PKIB: variants seen among roughly 807,000 people sequenced by gnomAD.
PKIB encodes cAMP-dependent protein kinase inhibitor beta, also known as PKI-beta.
A neutral mutation model predicts 4.5 loss-of-function variants in PKIB; 2 were observed. That is an observed-to-expected ratio of 0.44 (90% confidence interval 0.18 to 1.39). PKIB has a LOEUF of 1.39. Ranked by LOEUF, PKIB falls within the 40% of genes most tolerant of loss-of-function variation. PKIB has a pLI of 0.27. For missense variants in PKIB, 94 were observed against 92.6 expected (o/e 1.02, Z -0.06); for synonymous variants, 38 against 36.0 (o/e 1.06, Z -0.20).
intron 1 of PKIB, among the ~76,000 whole-genome samples, chr6:122,473,430 T>C (rs779906887): frequency 4.6e-5 from 7 of 152,210 alleles, no homozygotes; most frequent in African/African-American, 1.7e-4. Context: ...ACCTGAGATA[T>C]TCAGAGTTAA....
intron 4 of PKIB, among the ~76,000 whole-genome samples, chr6:122,719,904 G>GA (rs1245649379): frequency 2.0e-5 from 3 of 151,906 alleles, no homozygotes; most frequent in African/African-American, 4.8e-5. Context: ...TTAAAGAGTA[G>GA]AAAAAATACA....
At chr6:122,599,765 C>T (rs1034477956) in intron 3 of PKIB, among the ~76,000 whole-genome samples, 1 of 152,128 alleles carries the variant, frequency 6.6e-6, no homozygotes, top group African/African-American at 2.4e-5. Context: ...ACTCTCTAAA[C>T]AGTTGCCGCT....
chr6:122,545,996 A>G (rs748114964), intron 2 of PKIB, among the ~76,000 whole-genome samples: 1 of 151,802 alleles, frequency 6.6e-6, no homozygotes, highest in Non-Finnish European at 1.5e-5. Context: ...AGGGGTTTCT[A>G]GTATGAGAAA....
Position 122,533,212 on chromosome 6 carries a change from C to A in PKIB, c.-247-52709C>A, listed in dbSNP as rs968085612. Among the ~76,000 whole-genome samples the A allele has an allele frequency of 2.0e-5, 3 of 151,956 alleles. No individual in the cohort carries two copies. In the South Asian group the frequency reaches 6.2e-4, roughly 32 times the overall value. ...TGAGAAAGAGTCTTGGTCTGTCGCCCAGACTGGAGTGCAGTGGCATGATCT... is the reference window on the plus strand; with the variant it reads ...TGAGAAAGAGTCTTGGTCTGTCGCCAAGACTGGAGTGCAGTGGCATGATCT... On this transcript the variant is annotated intron_variant, in intron 2 of 6. Transcript: ENST00000392491.
At chr6:122,524,929 T>G (rs1017693779) in intron 2 of PKIB, among the ~76,000 whole-genome samples, 5 of 151,770 alleles carry the variant, frequency 3.3e-5, no homozygotes, top group African/African-American at 4.8e-5. Flanking sequence ...GTTTTGTTGA[T>G]TTTTTTCCTT....
At chr6:122,545,007 G>T (rs1200362443) in intron 2 of PKIB, among the ~76,000 whole-genome samples, 2 of 152,084 alleles carry the variant, frequency 1.3e-5, no homozygotes, top group East Asian at 3.9e-4. Context: ...TAGCAAGGTT[G>T]CAGAGAAAAC....
At chr6:122,483,761 G>C (rs1775689227) in intron 2 of PKIB, 1 of 152,212 alleles carries the variant, frequency 6.6e-6, no homozygotes, top group Admixed American at 6.5e-5. Flanking sequence ...CTCTGATTCT[G>C]TCTGCAGGCT....
chr6:122,671,197 CAGG>C (rs1319325940), intron 2 of PKIB, among the ~76,000 whole-genome samples: 1 of 151,156 alleles, frequency 6.6e-6, no homozygotes, highest in East Asian at 2.0e-4. Context: ...GAGGCTGAGG[CAGG>C]AGAATGGCTT....
chr6:122,688,168 T>C (rs1464198997), intron 3 of PKIB, among the ~76,000 whole-genome samples: 1 of 152,202 alleles, frequency 6.6e-6, no homozygotes, highest in Non-Finnish European at 1.5e-5. Context: ...TGAAAGGATG[T>C]TGAATTTTAT....
At chr6:122,718,507 C>G (rs775201531) in intron 4 of PKIB, among the ~76,000 whole-genome samples, 1 of 151,920 alleles carries the variant, frequency 6.6e-6, no homozygotes, top group Non-Finnish European at 1.5e-5. Flanking sequence ...TTAAAAGGTG[C>G]CTTTCATTTA....
Position 122,679,108 on chromosome 6 carries a change from A to G in PKIB, c.-9+3964A>G, listed in dbSNP as rs146160767. On this transcript the variant is annotated intron_variant, in intron 3 of 4. Transcript: ENST00000368452. Reference sequence around the variant, plus strand: ...GTGAAAAAAAAGTGCATCCCAAACAAGGTGTTATGTGTGCCAAAACTTCAG... The same window carrying G: ...GTGAAAAAAAAGTGCATCCCAAACAGGGTGTTATGTGTGCCAAAACTTCAG... 1.1e-4 allele frequency among the ~76,000 whole-genome samples: 16 copies of G among 152,310 alleles called. 1 individual carries two copies. The East Asian group carries it at 2.9e-3, about 28-fold the overall frequency.
intron 2 of PKIB, among the ~76,000 whole-genome samples, chr6:122,568,043 A>T (rs1460292210): frequency 1.3e-5 from 2 of 152,152 alleles, no homozygotes; most frequent in Non-Finnish European, 2.9e-5. Flanking sequence ...TAATTATAAA[A>T]GTTGTACATT....
intron 1 of PKIB, among the ~76,000 whole-genome samples, chr6:122,621,485 T>C (rs1775225860): frequency 2.0e-5 from 3 of 152,192 alleles, no homozygotes; most frequent in Admixed American, 1.3e-4. Flanking sequence ...ATTACAGATG[T>C]GTCCAGAGGT....
chr6:122,544,080 A>G (rs1352325341), intron 2 of PKIB, among the ~76,000 whole-genome samples: 1 of 152,062 alleles, frequency 6.6e-6, no homozygotes, highest in Non-Finnish European at 1.5e-5. Flanking sequence ...AAATACCATA[A>G]TCAAATCAAT....
chr6:122,605,942 C>G (rs770827664), upstream of PKIB, among the ~76,000 whole-genome samples: 1 of 152,188 alleles, frequency 6.6e-6, no homozygotes, highest in East Asian at 1.9e-4. Context: ...TGTCATCCAG[C>G]CTTGCTATTC....
chr6:122,644,513 C>T (rs1444009594), intron 2 of PKIB: 1 of 152,116 alleles, frequency 6.6e-6, no homozygotes, highest in East Asian at 1.9e-4. Context: ...ATCTCTCTGT[C>T]TCTGTGTTTT....
At chr6:122,573,406 C>T (rs1363450115) in intron 2 of PKIB, among the ~76,000 whole-genome samples, 1 of 151,324 alleles carries the variant, frequency 6.6e-6, no homozygotes, top group Non-Finnish European at 1.5e-5. Flanking sequence ...CATGTTCTCC[C>T]AGGTACTCGC....
intron 3 of PKIB, among the ~76,000 whole-genome samples, chr6:122,692,489 A>G (rs1251424958): frequency 6.6e-6 from 1 of 152,152 alleles, no homozygotes; most frequent in Non-Finnish European, 1.5e-5. Flanking sequence ...CATGGGGAGT[A>G]CTTCCAGGCC....
intron 2 of PKIB, among the ~76,000 whole-genome samples, chr6:122,569,852 T>G (rs144159365): frequency 1.7e-4 from 26 of 152,302 alleles, no homozygotes; most frequent in African/African-American, 6.0e-4. Context: ...CCCAGATCTT[T>G]CCACTAATGG....
Sources: gnomAD v4.1 joint callset for allele counts (sites outside exome capture counted in the v4.1 genomes callset) on GRCh38, gnomAD v4.1.1 for gene constraint, MANE v1.5 for transcripts, NCBI Gene and HGNC (gene_info 2026-07-23, HGNC 2026-07-21) for gene names.